The following PPP1R3A variants were observed in gnomAD, a reference collection of about 807,000 sequenced individuals.
PPP1R3A encodes protein phosphatase 1 regulatory subunit 3A.
A neutral mutation model predicts 41.7 loss-of-function variants in PPP1R3A; 29 were observed. The observed-to-expected ratio is 0.70, with a 90% confidence interval of 0.52 to 0.95. The LOEUF is 0.95. Ranked by LOEUF, PPP1R3A falls within the 40% of genes least tolerant of loss-of-function variation. The probability of loss-of-function intolerance (pLI) is 0.00; values close to 1 mark genes in which losing one functional copy is unlikely to be tolerated. For missense variants in PPP1R3A, 1,352 were observed against 1,292.4 expected, an observed-to-expected ratio of 1.05 and a Z score of -0.71; for synonymous variants, 485 against 453.4, an observed-to-expected ratio of 1.07 and a Z score of -0.89.
Position 113,908,736 on chromosome 7 carries a change from T to G in PPP1R3A, c.782+9479A>C, listed in dbSNP as rs577331681. Reference sequence around the variant, plus strand: ...TATTCACAATAGCAAAGTCATGGAGTGAACCTAAGTGTCCATTGATGGTGG... The same window carrying G: ...TATTCACAATAGCAAAGTCATGGAGGGAACCTAAGTGTCCATTGATGGTGG... On this transcript the variant is annotated intron_variant, in intron 1 of 3. Transcript: ENST00000284601. 9.8e-4 allele frequency among the ~76,000 whole-genome samples: 149 copies of G among 151,864 alleles called. 1 individual carries two copies. Among genetic ancestry groups the G allele is most frequent in the African/African-American group, 3.4e-3 (141 of 41,482 alleles).
intron 1 of PPP1R3A, among the ~76,000 whole-genome samples, chr7:113,891,072 G>A (rs1287332251): frequency 8.9e-6 from 1 of 111,760 alleles, no homozygotes; most frequent in Non-Finnish European, 1.7e-5. Context: ...TCAATATGTG[G>A]TGGAAAAAAA....
In PPP1R3A at chr7:113,877,458, CCTG is replaced by C. The variant is rs1407875223; in HGVS notation, c.*262_*264del. 1.9e-5 allele frequency: 6 copies of C among 323,328 alleles called. No individual in the cohort carries two copies. The highest frequency in any genetic ancestry group is 2.8e-5 in the Non-Finnish European group (5 of 177,598). The allele number at this position is 323,328 out of a possible 1,614,324, so 20.0% of individuals were successfully genotyped here. A position where few individuals can be genotyped will look rare whatever the true frequency, so the allele number is the denominator to read the frequency against. On this transcript the variant is annotated 3_prime_UTR_variant, in exon 4 of 4. Transcript: ENST00000284601. ...GATGTGAAGCATTGCAACTTCATAG[CCTG>C]CTAAGGAGCAACAGCTGTACCTAAT... is the stretch of plus-strand genomic sequence containing the variant.
At chr7:113,889,503 C>T (rs957541581) in intron 1 of PPP1R3A, among the ~76,000 whole-genome samples, 17 of 152,188 alleles carry the variant, frequency 1.1e-4, no homozygotes, top group Admixed American at 5.9e-4. Context: ...GAAGTGAAAA[C>T]TAGTGTTTGT....
chr7:113,916,698 C>T (rs1797349471), intron 1 of PPP1R3A, among the ~76,000 whole-genome samples: 1 of 151,960 alleles, frequency 6.6e-6, no homozygotes, highest in African/African-American at 2.4e-5. Context: ...TTCACTAATG[C>T]TTATCTCATT....
At chr7:113,914,653 A>G (rs1012074361) in intron 1 of PPP1R3A, among the ~76,000 whole-genome samples, 1 of 152,090 alleles carries the variant, frequency 6.6e-6, no homozygotes, top group African/African-American at 2.4e-5. Context: ...TGAAGTTACC[A>G]TTGTCTTTTT....
chr7:113,908,740 C>T (rs1362836232), intron 1 of PPP1R3A, among the ~76,000 whole-genome samples: 1 of 151,670 alleles, frequency 6.6e-6, no homozygotes, highest in Non-Finnish European at 1.5e-5. Flanking sequence ...ATGGAGTGAA[C>T]CTAAGTGTCC....
chr7:113,882,080 T>G lies in PPP1R3A; in HGVS notation c.925A>C (p.Arg309=), dbSNP rs767083162. ...TTTTCATTATGTTCATCATGTTCCCTGTTTACATCTTTTACATTTCGATTA... is the reference window on the plus strand; with the variant it reads ...TTTTCATTATGTTCATCATGTTCCCGGTTTACATCTTTTACATTTCGATTA... ...ASNRNVKDVN[R]EHDEHNEKEL... is the part of the protein sequence containing the mutation. Residue 309 remains arginine (R), a synonymous_variant, in exon 3 of 4, where the codon AGG becomes CGG. Coordinates refer to ENST00000284601, the MANE Select transcript of PPP1R3A (RefSeq NM_002711.4). The G allele has an allele frequency of 1.9e-6, 3 of 1,612,718 alleles. No individual in the cohort carries two copies. The highest frequency in any genetic ancestry group is 2.2e-5 in the South Asian group (2 of 91,068).
Position 113,879,101 on chromosome 7 carries a change from T to A in PPP1R3A, c.1991A>T (p.Lys664Ile). 2.5e-6 allele frequency: 4 copies of A among 1,613,788 alleles called. No individual in the cohort carries two copies. Among genetic ancestry groups the A allele is most frequent in the Non-Finnish European group, 3.4e-6 (4 of 1,179,796 alleles). Residue 664 changes from lysine (K) to isoleucine (I), a missense_variant, in exon 4 of 4, where the codon AAA becomes ATA. Transcript: ENST00000284601. ...TATGTTTGTCTTATTCTCTCTTGATTTTCCCTGACTTTCCAGAACATTCCA... is the reference window on the plus strand; with the variant it reads ...TATGTTTGTCTTATTCTCTCTTGATATTCCCTGACTTTCCAGAACATTCCA... ...QSWNVLESQG[K>I]SRENKTNITE...
chr7:113,917,518 T>C (rs1797360565), intron 1 of PPP1R3A, among the ~76,000 whole-genome samples: 1 of 152,100 alleles, frequency 6.6e-6, no homozygotes, highest in Admixed American at 6.6e-5. Flanking sequence ...TGAATATCCC[T>C]ATTTATATTT....
intron 1 of PPP1R3A, among the ~76,000 whole-genome samples, chr7:113,886,766 C>A (rs1796791144): frequency 6.6e-6 from 1 of 152,016 alleles, no homozygotes; most frequent in Non-Finnish European, 1.5e-5. Flanking sequence ...AGTCATATGA[C>A]CAATTAGATC....
At chr7:113,903,169 T>C (rs1443512408) in intron 1 of PPP1R3A, among the ~76,000 whole-genome samples, 1 of 151,914 alleles carries the variant, frequency 6.6e-6, no homozygotes, top group Middle Eastern at 3.4e-3. Flanking sequence ...TGGATTAATC[T>C]TTTTCACTAG....
rs142690786 is a variant in PPP1R3A at position 113,903,869 on chromosome 7, G to A, written c.782+14346C>T. Among the ~76,000 whole-genome samples, 338 of 151,618 alleles carry A rather than the reference G, an allele frequency of 2.2e-3. 3 individuals carry two copies. The highest frequency in any genetic ancestry group is 7.8e-3 in the African/African-American group (323 of 41,426). On this transcript the variant is annotated intron_variant, in intron 1 of 3. Transcript: ENST00000284601. Reference sequence around the variant, plus strand: ...TAATAACATCTTCAACTTACTTTCTGTGCATTCATCTCCATAAGTATATTT... The same window carrying A: ...TAATAACATCTTCAACTTACTTTCTATGCATTCATCTCCATAAGTATATTT...
intron 1 of PPP1R3A, among the ~76,000 whole-genome samples, chr7:113,890,820 G>T (rs1796868200): frequency 6.6e-6 from 1 of 151,962 alleles, no homozygotes; most frequent in Admixed American, 6.6e-5. Context: ...GAGTTCTACA[G>T]ACTCTTTACC....
At chr7:113,913,284 C>T (rs1432352285) in intron 1 of PPP1R3A, among the ~76,000 whole-genome samples, 1 of 152,084 alleles carries the variant, frequency 6.6e-6, no homozygotes, top group Non-Finnish European at 1.5e-5. Flanking sequence ...AAGGAAGTCT[C>T]ACAATCCAAC....
intron 1 of PPP1R3A, among the ~76,000 whole-genome samples, chr7:113,903,068 C>A (rs1439756433): frequency 2.6e-5 from 4 of 151,572 alleles, no homozygotes; most frequent in Non-Finnish European, 5.9e-5. Flanking sequence ...AGATCCCTAC[C>A]CTCTTAACCT....
intron 1 of PPP1R3A, among the ~76,000 whole-genome samples, chr7:113,896,913 C>T (rs773399341): frequency 6.6e-6 from 1 of 151,704 alleles, no homozygotes; most frequent in Non-Finnish European, 1.5e-5. Flanking sequence ...TTGAACTAAC[C>T]GTCTATGAAG....
At position 113,878,150 on chromosome 7, in the gene PPP1R3A, C is replaced by T; in HGVS notation, c.2942G>A (p.Gly981Glu). The T allele has an allele frequency of 6.2e-7, 1 of 1,613,288 alleles. No homozygotes were observed. Among genetic ancestry groups the T allele is most frequent in the Non-Finnish European group, 8.5e-7 (1 of 1,179,614 alleles). The stretch of plus-strand genomic sequence containing the variant: ...TTTTCTACTACCTGATGTCACTATT[C>T]CTGAACTTCTGGAAACTTCTTCAGG... ...SKPEEVSRSS[G>E]IVTSGSRKER... Residue 981 changes from glycine to glutamate, a missense_variant, in exon 4 of 4, where the codon GGA (glycine) becomes GAA (glutamate). Coordinates refer to ENST00000284601, the MANE Select transcript of PPP1R3A (RefSeq NM_002711.4).
At chr7:113,896,838 T>C (rs1200669503) in intron 1 of PPP1R3A, among the ~76,000 whole-genome samples, 1 of 151,056 alleles carries the variant, frequency 6.6e-6, no homozygotes, top group East Asian at 2.0e-4. Flanking sequence ...GCAAAAAAAA[T>C]GAATAGACAC....
chr7:113,885,134 A>T (rs747442561), intron 1 of PPP1R3A, among the ~76,000 whole-genome samples: 1 of 152,122 alleles, frequency 6.6e-6, no homozygotes, highest in Non-Finnish European at 1.5e-5. Flanking sequence ...GCTCATTGCA[A>T]CTTCCACCTC....
Sources: gnomAD v4.1 joint callset for allele counts (sites outside exome capture counted in the v4.1 genomes callset) on GRCh38, gnomAD v4.1.1 for gene constraint, MANE v1.5 for transcripts, NCBI Gene and HGNC (gene_info 2026-07-23, HGNC 2026-07-21) for gene names.